DENND1B: variants seen among roughly 807,000 people sequenced by gnomAD.
DENND1B encodes DENN domain-containing protein 1B.
Under a neutral mutation model 90.1 loss-of-function variants are expected in DENND1B, and 59 were observed. The observed-to-expected ratio is 0.65, with a 90% CI of 0.53 to 0.81. The LOEUF (loss-of-function observed/expected upper bound fraction) is 0.81, where lower values mean the gene tolerates loss of function less well. Among genes scored for constraint, DENND1B ranks in the 40% least tolerant of loss-of-function variants. DENND1B has a pLI of 0.00. For missense variants in DENND1B, 862 were observed against 912.6 expected, an observed-to-expected ratio of 0.94 and a Z score of 0.71; for synonymous variants, 337 against 324.6, an observed-to-expected ratio of 1.04 and a Z score of -0.41.
intron 3 of DENND1B, among the ~76,000 whole-genome samples, chr1:197,687,347 C>A (rs756523630): frequency 6.6e-6 from 1 of 152,084 alleles, no homozygotes. Flanking sequence ...TAAGTATTAT[C>A]GATGCTTCCA....
chr1:197,597,772 A>AG (rs1675838562), intron 13 of DENND1B, among the ~76,000 whole-genome samples: 1 of 151,860 alleles, frequency 6.6e-6, no homozygotes, highest in Non-Finnish European at 1.5e-5. Context: ...TGTAGAAAAT[A>AG]GGAAAAGAAT....
chr1:197,537,331 A>G (rs1422968827), intron 20 of DENND1B, among the ~76,000 whole-genome samples: 1 of 152,142 alleles, frequency 6.6e-6, no homozygotes, highest in Non-Finnish European at 1.5e-5. Flanking sequence ...TATTGCTGTC[A>G]TGTCTACTGT....
intron 10 of DENND1B, among the ~76,000 whole-genome samples, chr1:197,625,034 C>T (rs948419263): frequency 1.3e-5 from 2 of 151,940 alleles, no homozygotes; most frequent in Admixed American, 6.6e-5. Context: ...ACCAAATCTA[C>T]GTCTGATTGG....
chr1:197,536,160 T>TAGATGAGATGAGAGGAGATGAGATG (rs1669882414), intron 20 of DENND1B, among the ~76,000 whole-genome samples: 1 of 126,234 alleles, frequency 7.9e-6, no homozygotes, highest in East Asian at 2.4e-4. Flanking sequence ...GAGAGAGAGA[T>TAGATGAGATGAGAGGAGATGAGATG]AGATGAGATG....
At chr1:197,565,385 C>A (rs1465269389) in intron 15 of DENND1B, among the ~76,000 whole-genome samples, 1 of 151,964 alleles carries the variant, frequency 6.6e-6, no homozygotes, top group African/African-American at 2.4e-5. Flanking sequence ...ACATGCTACA[C>A]CACTATGTGA....
chr1:197,595,689 T>A (rs1675624664), intron 13 of DENND1B, among the ~76,000 whole-genome samples: 1 of 152,080 alleles, frequency 6.6e-6, no homozygotes, highest in Non-Finnish European at 1.5e-5. Context: ...CAGGTTAGGT[T>A]TTGTTCGTTT....
rs950780618 is a variant in DENND1B, at chr1:197,750,013, A to G, written c.82+22855T>C. 6.6e-5 allele frequency among the ~76,000 whole-genome samples: 10 copies of G among 152,206 alleles called. No homozygotes were observed. In the East Asian group the frequency reaches 1.7e-3, roughly 26 times the overall value. Reference sequence around the variant, plus strand: ...AGGTCCACACCACCACACCCAGCTAATTCTTTTATGGTTTGTTGAGATGAG... The same window carrying G: ...AGGTCCACACCACCACACCCAGCTAGTTCTTTTATGGTTTGTTGAGATGAG... On this transcript the variant is annotated intron_variant, in intron 2 of 22. Transcript: ENST00000620048.
intron 16 of DENND1B, among the ~76,000 whole-genome samples, chr1:197,550,055 T>C (rs1260689396): frequency 1.3e-5 from 2 of 152,150 alleles, no homozygotes; most frequent in Non-Finnish European, 2.9e-5. Flanking sequence ...ACTGCAATGA[T>C]AAAGAGGAGA....
rs190347968 is a variant in DENND1B at position 197,557,935 on chromosome 1, A to G, written c.1150-4823T>C. ...AATCATCTCTGTTGGAAAAGCTGTG[A>G]CTCTATAATGTGCTATCACATGTTG... On this transcript the variant is annotated intron_variant, in intron 15 of 22. Coordinates refer to ENST00000620048, the MANE Select transcript of DENND1B (RefSeq NM_001195215.2). 1.5e-3 allele frequency among the ~76,000 whole-genome samples: 235 copies of G among 151,888 alleles called. 1 individual carries two copies. The highest frequency in any genetic ancestry group is 5.3e-3 in the African/African-American group (218 of 41,518).
chr1:197,731,661 A>C (rs1293920239), intron 2 of DENND1B, among the ~76,000 whole-genome samples: 1 of 152,076 alleles, frequency 6.6e-6, no homozygotes, highest in Non-Finnish European at 1.5e-5. Flanking sequence ...AAGAAGGAGA[A>C]TCATCTCAGG....
chr1:197,675,491 T>C (rs546922820), intron 3 of DENND1B, among the ~76,000 whole-genome samples: 21 of 151,088 alleles, frequency 1.4e-4, no homozygotes, highest in African/African-American at 4.8e-4. Flanking sequence ...TTGCTTATAA[T>C]CATAATCATG....
intron 3 of DENND1B, among the ~76,000 whole-genome samples, chr1:197,703,480 A>C (rs1002634272): frequency 6.6e-6 from 1 of 152,178 alleles, no homozygotes; most frequent in African/African-American, 2.4e-5. Context: ...ATATAATAGC[A>C]ATCATGAATC....
intron 10 of DENND1B, among the ~76,000 whole-genome samples, chr1:197,620,034 A>G (rs1678010112): frequency 6.6e-6 from 1 of 151,318 alleles, no homozygotes; most frequent in Non-Finnish European, 1.5e-5. Flanking sequence ...AAGGTAATAT[A>G]GCAAAAGTGT....
intron 2 of DENND1B, among the ~76,000 whole-genome samples, 179 bp downstream of exon 2, chr1:197,772,689 G>GTGGT (rs1656770455): frequency 3.3e-5 from 5 of 152,154 alleles, no homozygotes; most frequent in Admixed American, 2.6e-4. Flanking sequence ...GCTGAGCATG[G>GTGGT]TGGTGTGCAT....
intron 22 of DENND1B, among the ~76,000 whole-genome samples, chr1:197,511,318 AAAAT>A (rs1375237100): frequency 1.3e-5 from 2 of 151,884 alleles, no homozygotes; most frequent in African/African-American, 4.8e-5. Context: ...ATAATGTTAA[AAAAT>A]AAAATCATGT....
intron 2 of DENND1B, among the ~76,000 whole-genome samples, chr1:197,743,415 A>T (rs1290773529): frequency 1.3e-5 from 2 of 152,194 alleles, no homozygotes; most frequent in African/African-American, 2.4e-5. Context: ...ACCCTAATTT[A>T]AAAATATGTT....
At position 197,574,581 on chromosome 1, in the gene DENND1B, G is replaced by GA. The variant is rs1186607174; in HGVS notation, c.1149+8570dup. ...ACCAATGACTTTCTTCACAGAATTG[G>GA]AAAAAACTACTTTAAAGTTCATATG... is the stretch of plus-strand genomic sequence containing the variant. On this transcript the variant is annotated intron_variant, in intron 15 of 22. Transcript: ENST00000620048. Among the ~76,000 whole-genome samples the GA allele has an allele frequency of 1.1e-4, 16 of 152,154 alleles. No individual in the cohort carries two copies. The South Asian group carries it at 3.1e-3, about 30-fold the overall frequency.
intron 10 of DENND1B, among the ~76,000 whole-genome samples, chr1:197,625,487 C>T (rs897654437): frequency 6.6e-6 from 1 of 152,046 alleles, no homozygotes; most frequent in Non-Finnish European, 1.5e-5. Flanking sequence ...CACCACCAGG[C>T]CTGACCTAAA....
chr1:197,621,261 C>T (rs748107560), intron 10 of DENND1B, among the ~76,000 whole-genome samples: 1 of 150,924 alleles, frequency 6.6e-6, no homozygotes, highest in Admixed American at 6.6e-5. Flanking sequence ...AAACTATTTA[C>T]CTGGAACATT....
Sources: gnomAD v4.1 joint callset for allele counts (sites outside exome capture counted in the v4.1 genomes callset) on GRCh38, gnomAD v4.1.1 for gene constraint, MANE v1.5 for transcripts, NCBI Gene and HGNC (gene_info 2026-07-23, HGNC 2026-07-21) for gene names.